LRRC7: variants seen among roughly 807,000 people sequenced by gnomAD.
LRRC7 encodes leucine rich repeat containing 7, also known as leucine-rich repeat-containing protein 7.
LRRC7 carries 23 observed loss-of-function variants against 175.7 expected under a neutral mutation model. The ratio of observed to expected loss-of-function variants is 0.13; its 90% confidence interval spans 0.09 to 0.19. The LOEUF is 0.19. Ranked by LOEUF, LRRC7 falls within the 10% of genes least tolerant of loss-of-function variation. The probability of loss-of-function intolerance (pLI) is 1.00; values close to 1 mark genes in which losing one functional copy is unlikely to be tolerated. For synonymous variants in LRRC7, 685 were observed against 680.9 expected, an observed-to-expected ratio of 1.01 and a Z score of -0.09; for missense variants, 1,354 against 1,904.7, an observed-to-expected ratio of 0.71 and a Z score of 5.38.
chr1:69,818,624 C>T (rs927089746), intron 4 of LRRC7, among the ~76,000 whole-genome samples: 6 of 151,992 alleles, frequency 3.9e-5, no homozygotes, highest in Admixed American at 2.6e-4. Context: ...TGCTAGTCTT[C>T]GAAATTGGAT....
intron 22 of LRRC7, among the ~76,000 whole-genome samples, chr1:70,047,032 T>G (rs1660383550): frequency 6.6e-6 from 1 of 152,178 alleles, no homozygotes. Context: ...CATGTTTATC[T>G]TTCTACTTAA....
At chr1:69,879,146 G>T (rs771328028) in intron 7 of LRRC7, among the ~76,000 whole-genome samples, 2 of 147,214 alleles carry the variant, frequency 1.4e-5, no homozygotes, top group Non-Finnish European at 1.5e-5. Flanking sequence ...GCATGTGTTC[G>T]GGTGGGGAGT....
intron 17 of LRRC7, among the ~76,000 whole-genome samples, chr1:70,024,558 G>A (rs1657881728): frequency 6.6e-6 from 1 of 151,800 alleles, no homozygotes; most frequent in African/African-American, 2.4e-5. Context: ...TGTGAACTGA[G>A]CAAATACTTT....
At chr1:69,639,473 C>A (rs970427519) in intron 1 of LRRC7, among the ~76,000 whole-genome samples, 1 of 151,804 alleles carries the variant, frequency 6.6e-6, no homozygotes, top group East Asian at 1.9e-4. Context: ...AGCTTTTCTG[C>A]AAACTCTATT....
At chr1:69,746,403 A>C (rs1033342621) in intron 2 of LRRC7, among the ~76,000 whole-genome samples, 1 of 151,988 alleles carries the variant, frequency 6.6e-6, no homozygotes, top group Non-Finnish European at 1.5e-5. Flanking sequence ...TCTGAAAATG[A>C]GTGGGCACCT....
intron 1 of LRRC7, among the ~76,000 whole-genome samples, chr1:69,661,017 A>G (rs1657390012): frequency 6.6e-6 from 1 of 152,106 alleles, no homozygotes; most frequent in African/African-American, 2.4e-5. Flanking sequence ...AAGCCAGTAG[A>G]AGATAGCCAA....
Position 69,798,284 on chromosome 1 carries a change from G to A in LRRC7, c.421+6124G>A, listed in dbSNP as rs1676043986. Among the ~76,000 whole-genome samples the A allele has an allele frequency of 2.0e-5, 3 of 152,048 alleles. No individual in the cohort carries two copies. The South Asian group carries it at 6.2e-4, about 32-fold the overall frequency. On this transcript the variant is annotated intron_variant, in intron 4 of 26. Coordinates refer to ENST00000651989, the MANE Select transcript of LRRC7 (RefSeq NM_001370785.2). ...GCTTCCTCAAATAGTGAATCTTGGT[G>A]ACTCTATTTACATTATTTCCTCTTT...
chr1:69,837,359 G>A (rs775118453), intron 6 of LRRC7, among the ~76,000 whole-genome samples: 1 of 151,796 alleles, frequency 6.6e-6, no homozygotes, highest in Non-Finnish European at 1.5e-5. Context: ...ATTAAAACTT[G>A]TGATATACCA....
chr1:69,973,841 C>T (rs367691880), intron 8 of LRRC7, among the ~76,000 whole-genome samples: 7 of 152,194 alleles, frequency 4.6e-5, no homozygotes, highest in African/African-American at 1.7e-4. Flanking sequence ...CCACCTCAGC[C>T]TCCCAAAGTG....
At chr1:69,646,732 A>G (rs1397227728) in intron 1 of LRRC7, among the ~76,000 whole-genome samples, 1 of 152,178 alleles carries the variant, frequency 6.6e-6, no homozygotes, top group African/African-American at 2.4e-5. Context: ...ATCTGTATCA[A>G]TTTAAAACCA....
At chr1:69,682,232 T>C (rs1203378712) in intron 2 of LRRC7, among the ~76,000 whole-genome samples, 1 of 152,142 alleles carries the variant, frequency 6.6e-6, no homozygotes, top group Non-Finnish European at 1.5e-5. Context: ...TTTCACCTGA[T>C]TAAGTCAGGC....
intron 1 of LRRC7, among the ~76,000 whole-genome samples, chr1:69,593,697 G>A (rs1646727402): frequency 6.6e-6 from 1 of 152,044 alleles, no homozygotes; most frequent in Non-Finnish European, 1.5e-5. Context: ...TGCCTTTTAG[G>A]TGTACATATT....
chr1:69,691,603 GC>G (rs897365749), intron 2 of LRRC7, among the ~76,000 whole-genome samples: 2 of 151,972 alleles, frequency 1.3e-5, no homozygotes, highest in African/African-American at 4.8e-5. Context: ...CTTGAGATGG[GC>G]CTGAGCAACA....
intron 7 of LRRC7, among the ~76,000 whole-genome samples, chr1:69,870,718 A>G (rs892846536): frequency 1.3e-5 from 2 of 152,130 alleles, no homozygotes; most frequent in Non-Finnish European, 2.9e-5. Flanking sequence ...AGCTCTTAAA[A>G]TTATTTCTTG....
At chr1:70,057,451 C>T (rs920859012) in intron 23 of LRRC7, among the ~76,000 whole-genome samples, 2 of 152,066 alleles carry the variant, frequency 1.3e-5, no homozygotes, top group African/African-American at 2.4e-5. Context: ...GCAGTTGTCA[C>T]GGAGTGAGCA....
rs574552994 is a variant in LRRC7 at position 69,614,668 on chromosome 1, T to C, written c.2+46027T>C. ...TCATTCATGTTTCCTTTCTTGGCAC[T>C]GATTTACTTATCGTGGCTCTCCTGT... On this transcript the variant is annotated intron_variant, in intron 1 of 26. Coordinates refer to ENST00000651989, the MANE Select transcript of LRRC7 (RefSeq NM_001370785.2). Among the ~76,000 whole-genome samples the C allele has an allele frequency of 4.6e-5, 7 of 152,242 alleles. No homozygotes were observed. The South Asian group carries it at 1.0e-3, about 23-fold the overall frequency.
At position 70,132,113 on chromosome 1, in the gene LRRC7, A is replaced by C. The variant is rs17131223; in HGVS notation, c.*10226A>C. The C allele has an allele frequency of 0.11, 17,208 of 152,156 alleles. 1,274 individuals carry two copies. The highest frequency in any genetic ancestry group is 0.22 in the South Asian group (1,055 of 4,812). The allele number at this position is 152,156 out of a possible 1,614,324, so 9.4% of individuals were successfully genotyped here. A position where few individuals can be genotyped will look rare whatever the true frequency, so the allele number is the denominator to read the frequency against. ...TGGATAAAAGAAATCAGATTCAGGC[A>C]TATCCTCCAGTCTCTTCGTTCTGGT... On this transcript the variant is annotated 3_prime_UTR_variant, in exon 27 of 27. Coordinates refer to ENST00000651989, the MANE Select transcript of LRRC7 (RefSeq NM_001370785.2).
chr1:69,992,832 G>T (rs1368400092), intron 10 of LRRC7, among the ~76,000 whole-genome samples: 3 of 152,116 alleles, frequency 2.0e-5, no homozygotes, highest in Non-Finnish European at 4.4e-5. Flanking sequence ...CTTCCTCAAG[G>T]TTTTCTCTCC....
At chr1:70,012,894 TG>T (rs1201848202) in intron 12 of LRRC7, 79 bp from the exon 13 acceptor site, 6 of 665,152 alleles carry the variant, frequency 9.0e-6, no homozygotes, top group African/African-American at 2.0e-5. Flanking sequence ...TCTACTAAAT[TG>T]TTTTAAAAAT....
Sources: gnomAD v4.1 joint callset for allele counts (sites outside exome capture counted in the v4.1 genomes callset) on GRCh38, gnomAD v4.1.1 for gene constraint, MANE v1.5 for transcripts, NCBI Gene and HGNC (gene_info 2026-07-23, HGNC 2026-07-21) for gene names.